Variants in RAPGEF5 observed in about 807,000 individuals in gnomAD.
The protein encoded by RAPGEF5 is Rap guanine nucleotide exchange factor 5.
A neutral mutation model predicts 125.2 loss-of-function variants in RAPGEF5; 65 were observed. That is an observed-to-expected ratio of 0.52 (90% confidence interval 0.43 to 0.64). The LOEUF (loss-of-function observed/expected upper bound fraction) is 0.64, where lower values mean the gene tolerates loss of function less well. Ranked by LOEUF, RAPGEF5 falls within the 30% of genes least tolerant of loss-of-function variation. RAPGEF5 has a pLI of 0.00. For missense variants in RAPGEF5, 958 were observed against 1,048.1 expected, an observed-to-expected ratio of 0.91 and a Z score of 1.19; for synonymous variants, 391 against 385.9, an observed-to-expected ratio of 1.01 and a Z score of -0.16.
intron 9 of RAPGEF5, among the ~76,000 whole-genome samples, chr7:22,202,509 G>T (rs910845712): frequency 6.6e-6 from 1 of 152,176 alleles, no homozygotes; most frequent in Non-Finnish European, 1.5e-5. Context: ...CACTAAAAAA[G>T]ATGATAAAGG....
Position 22,121,555 on chromosome 7 carries a change from T to A in RAPGEF5, c.*851A>T, listed in dbSNP as rs1367020951. 2 of 152,184 alleles carry A rather than the reference T, an allele frequency of 1.3e-5. No individual in the cohort carries two copies. Among genetic ancestry groups the A allele is most frequent in the African/African-American group, 4.8e-5 (2 of 41,452 alleles). The allele number at this position is 152,184 out of a possible 1,614,324, so 9.4% of individuals were successfully genotyped here. On this transcript the variant is annotated 3_prime_UTR_variant, in exon 26 of 26. Transcript: ENST00000665637. ...CACCTCAGCAAGCAGTTGGTGAGTG[T>A]TTGCAATGTGTCAGGCACTGTGCTT...
Position 22,175,060 on chromosome 7 carries a change from G to A in RAPGEF5, c.1205-7912C>T, listed in dbSNP as rs1784463580. On this transcript the variant is annotated intron_variant, in intron 11 of 25. Transcript: ENST00000665637. Reference sequence around the variant, plus strand: ...GTAAGGGAAAGATGAGTTAAGGAAGGGGAAAGAGAAGGAGGAGAGAAACAG... The same window carrying A: ...GTAAGGGAAAGATGAGTTAAGGAAGAGGAAAGAGAAGGAGGAGAGAAACAG... Among the ~76,000 whole-genome samples the A allele has an allele frequency of 2.6e-5, 4 of 152,262 alleles. No homozygotes were observed. The South Asian group carries it at 8.3e-4, about 32-fold the overall frequency.
intron 16 of RAPGEF5, 107 bp from the exon 17 acceptor site, chr7:22,154,711 G>A: frequency 3.2e-6 from 4 of 1,258,994 alleles, no homozygotes; most frequent in Non-Finnish European, 4.4e-6. Context: ...AACCCACCTG[G>A]CTATTCTCTT....
At chr7:22,144,983 A>G in intron 20 of RAPGEF5, 61 bp downstream of exon 20, 1 of 1,516,692 alleles carries the variant, frequency 6.6e-7, no homozygotes, top group East Asian at 2.3e-5. Flanking sequence ...AGAAAGAAAG[A>G]AGAACAATGT....
At chr7:22,292,011 G>T (rs1055365647) in intron 5 of RAPGEF5, among the ~76,000 whole-genome samples, 1 of 152,104 alleles carries the variant, frequency 6.6e-6, no homozygotes, top group African/African-American at 2.4e-5. Context: ...GAAAAAAACT[G>T]ACTAATGCTA....
At chr7:22,255,612 A>C (rs924845367) in intron 7 of RAPGEF5, among the ~76,000 whole-genome samples, 5 of 151,990 alleles carry the variant, frequency 3.3e-5, no homozygotes, top group Non-Finnish European at 7.4e-5. Context: ...AACCAAAACC[A>C]AAAACACAAT....
At chr7:22,241,684 CTT>C (rs1786334743) in intron 7 of RAPGEF5, among the ~76,000 whole-genome samples, 2 of 152,196 alleles carry the variant, frequency 1.3e-5, no homozygotes, top group South Asian at 4.2e-4. Context: ...ATGTTAGTGA[CTT>C]TATATTATTA....
In RAPGEF5 at chr7:22,193,430, C is replaced by T. The variant is rs202103759; in HGVS notation, c.1141G>A (p.Glu381Lys). ...WRYVVVSGTPEKILEHLLNDL... is the reference protein window; with the variant it reads ...WRYVVVSGTPKKILEHLLNDL... ...TTCAAAAGGTGCTCCAAAATCTTCT[C>T]CGGGGTCCCGGACACCACCACATAT... Residue 381 changes from glutamate to lysine, a missense_variant, in exon 11 of 26, where the codon GAG (glutamate) becomes AAG (lysine). Physicochemically the swap from Glu to Lys is moderately conservative, Grantham distance 56 (BLOSUM62 1). Transcript: ENST00000665637. 4 of 1,594,326 alleles carry T rather than the reference C, an allele frequency of 2.5e-6. No homozygotes were observed. The highest frequency in any genetic ancestry group is 3.4e-6 in the Non-Finnish European group (4 of 1,169,888).
At position 22,308,370 on chromosome 7, in the gene RAPGEF5, G is replaced by A; in HGVS notation, c.649C>T (p.Leu217Phe). ...CAGATGCCACCTCTGGCAGGAATGA[G>A]AGGCACAAGTTGCAGTAAAAGCTTG... ...GVKLLLQLVP[L>F]IPARGGICEL... Residue 217 changes from leucine to phenylalanine, a missense_variant, in exon 5 of 26, where the codon CTC (leucine) becomes TTC (phenylalanine). Transcript: ENST00000665637. The A allele has an allele frequency of 1.3e-6, 2 of 1,589,948 alleles. No individual in the cohort carries two copies. Among genetic ancestry groups the A allele is most frequent in the Non-Finnish European group, 8.6e-7 (1 of 1,166,908 alleles).
chr7:22,274,151 T>C (rs1172240968), intron 6 of RAPGEF5, among the ~76,000 whole-genome samples: 1 of 152,140 alleles, frequency 6.6e-6, no homozygotes. Flanking sequence ...GACTTTGATG[T>C]CCCTTAGTGA....
At chr7:22,295,944 G>T (rs1783050230) in intron 5 of RAPGEF5, among the ~76,000 whole-genome samples, 1 of 152,016 alleles carries the variant, frequency 6.6e-6, no homozygotes, top group African/African-American at 2.4e-5. Context: ...CAGAAACTAA[G>T]GAGGCCAAGG....
Position 22,120,967 on chromosome 7 carries a change from C to A in RAPGEF5, c.*1439G>T, listed in dbSNP as rs1782564055. Reference sequence around the variant, plus strand: ...TCTGTGTGGGCATGAAAGAGATGAACAGGCAGGAAGAGTGAGAAGTGCACC... The same window carrying A: ...TCTGTGTGGGCATGAAAGAGATGAAAAGGCAGGAAGAGTGAGAAGTGCACC... On this transcript the variant is annotated 3_prime_UTR_variant, in exon 26 of 26. Coordinates refer to ENST00000665637, the MANE Select transcript of RAPGEF5 (RefSeq NM_012294.5). This position sits in a 1 kb window ranked among gnomAD's most constrained non-coding sequence, Gnocchi z 4.0. The A allele has an allele frequency of 6.6e-6, 1 of 152,202 alleles. No individual in the cohort carries two copies. The highest frequency in any genetic ancestry group is 1.5e-5 in the Non-Finnish European group (1 of 68,082). 9.4% of individuals were successfully genotyped at this position (152,202 alleles called of 1,614,324 possible).
chr7:22,193,297 T>A (rs886135724), intron 11 of RAPGEF5, 70 bp downstream of exon 11: 8 of 1,496,432 alleles, frequency 5.3e-6, no homozygotes, highest in Non-Finnish European at 7.2e-6. Flanking sequence ...GTGGGAACCT[T>A]GCCCCTGAGG....
At chr7:22,179,169 C>A (rs905606784) in intron 11 of RAPGEF5, among the ~76,000 whole-genome samples, 5 of 152,080 alleles carry the variant, frequency 3.3e-5, no homozygotes, top group Admixed American at 6.6e-5. Context: ...CAATTAGATA[C>A]TAAAATCTAC....
chr7:22,236,011 T>C lies in RAPGEF5; in HGVS notation c.797-5092A>G, dbSNP rs541874499. On this transcript the variant is annotated intron_variant, in intron 7 of 25. Coordinates refer to ENST00000665637, the MANE Select transcript of RAPGEF5 (RefSeq NM_012294.5). Reference sequence around the variant, plus strand: ...GTGTTCACCATAAAGCCACTCCATATGGTATTATAACCTGGCCCATCCAGT... The same window carrying C: ...GTGTTCACCATAAAGCCACTCCATACGGTATTATAACCTGGCCCATCCAGT... Among the ~76,000 whole-genome samples, 33 of 152,334 alleles carry C rather than the reference T, an allele frequency of 2.2e-4. No individual in the cohort carries two copies. In the East Asian group the frequency reaches 6.2e-3, roughly 28 times the overall value.
At position 22,265,185 on chromosome 7, in the gene RAPGEF5, G is replaced by A. The variant is rs769981134; in HGVS notation, c.796+1779C>T. Among the ~76,000 whole-genome samples the A allele has an allele frequency of 1.3e-5, 2 of 151,968 alleles. 1 individual carries two copies. Among genetic ancestry groups the A allele is most frequent in the East Asian group, 3.8e-4 (2 of 5,198 alleles). Reference sequence around the variant, plus strand: ...ATAAATTATTGATAACTATATCCACGATACTGTGCTATTGAACAGTAGAGA... The same window carrying A: ...ATAAATTATTGATAACTATATCCACAATACTGTGCTATTGAACAGTAGAGA... On this transcript the variant is annotated intron_variant, in intron 7 of 25. Coordinates refer to ENST00000665637, the MANE Select transcript of RAPGEF5 (RefSeq NM_012294.5).
At chr7:22,301,856 G>GT (rs766807272) in intron 5 of RAPGEF5, among the ~76,000 whole-genome samples, 3 of 151,988 alleles carry the variant, frequency 2.0e-5, no homozygotes, top group African/African-American at 7.2e-5. Flanking sequence ...AATAATTTTG[G>GT]TTTTTTTCCC....
At chr7:22,317,762 T>C (rs1163776497) in intron 2 of RAPGEF5, among the ~76,000 whole-genome samples, 2 of 152,152 alleles carry the variant, frequency 1.3e-5, no homozygotes, top group Admixed American at 1.3e-4. Flanking sequence ...GGGAAAATAA[T>C]TTTTTTCCCT....
At chr7:22,355,997 T>A (rs1450226865) in intron 1 of RAPGEF5, 1 of 985,290 alleles carries the variant, frequency 1.0e-6, no homozygotes, top group Non-Finnish European at 1.2e-6. Context: ...CGCCAAACCC[T>A]GGTGAGCAGG....
Sources: gnomAD v4.1 joint callset for allele counts (sites outside exome capture counted in the v4.1 genomes callset) on GRCh38, gnomAD v4.1.1 for gene constraint, Gnocchi (gnomAD v3.1) non-coding constraint, MANE v1.5 for transcripts, NCBI Gene and HGNC (gene_info 2026-07-23, HGNC 2026-07-21) for gene names.